MAN1A2: variants seen among roughly 807,000 people sequenced by gnomAD.
MAN1A2 encodes the protein mannosyl-oligosaccharide 1,2-alpha-mannosidase IB.
Under a neutral mutation model 75.7 loss-of-function variants are expected in MAN1A2, and 26 were observed. The observed-to-expected ratio is 0.34, with a 90% confidence interval of 0.25 to 0.48. The LOEUF (loss-of-function observed/expected upper bound fraction) is 0.48, where lower values mean the gene tolerates loss of function less well. Among genes scored for constraint, MAN1A2 ranks in the 20% least tolerant of loss-of-function variants. The probability of loss-of-function intolerance (pLI) is 0.99; values close to 1 mark genes in which losing one functional copy is unlikely to be tolerated. For synonymous variants in MAN1A2, 247 were observed against 264.6 expected (o/e 0.93, Z 0.65); for missense variants, 562 against 775.5 (o/e 0.72, Z 3.27).
chr1:117,384,064 T>A (rs1653441616), intron 1 of MAN1A2, among the ~76,000 whole-genome samples: 1 of 152,238 alleles, frequency 6.6e-6, no homozygotes, highest in Admixed American at 6.5e-5. Context: ...TTGTTGATCT[T>A]GTCAAAGAAC....
At chr1:117,422,497 G>T (rs1280015016) in intron 5 of MAN1A2, among the ~76,000 whole-genome samples, 1 of 152,044 alleles carries the variant, frequency 6.6e-6, no homozygotes, top group Non-Finnish European at 1.5e-5. Context: ...GATTTACTGA[G>T]TCAAAGGTTA....
intron 12 of MAN1A2, among the ~76,000 whole-genome samples, chr1:117,520,740 C>T (rs6697740): frequency 8.9e-4 from 135 of 152,120 alleles, no homozygotes; most frequent in African/African-American, 3.2e-3. Context: ...AATGACCATA[C>T]TGCCAAAAGC....
intron 12 of MAN1A2, among the ~76,000 whole-genome samples, chr1:117,509,213 A>G (rs909908197): frequency 6.6e-6 from 1 of 151,912 alleles, no homozygotes; most frequent in African/African-American, 2.4e-5. Context: ...ATTAAGAAAA[A>G]ATACTAAGCC....
chr1:117,382,726 T>C (rs1325136492), intron 1 of MAN1A2, among the ~76,000 whole-genome samples: 4 of 152,128 alleles, frequency 2.6e-5, no homozygotes, highest in African/African-American at 4.8e-5. Flanking sequence ...AAGAAAGTCA[T>C]TGGTAGCTTG....
intron 6 of MAN1A2, among the ~76,000 whole-genome samples, chr1:117,451,518 C>T (rs976234660): frequency 6.6e-6 from 1 of 152,046 alleles, no homozygotes; most frequent in Admixed American, 6.6e-5. Flanking sequence ...GGCCAGGGGC[C>T]GAATGATGTG....
intron 1 of MAN1A2, among the ~76,000 whole-genome samples, chr1:117,379,531 T>G (rs1356908455): frequency 1.3e-5 from 2 of 152,130 alleles, no homozygotes; most frequent in Non-Finnish European, 2.9e-5. Context: ...CTTAGTAGTA[T>G]TTACAACATT....
At chr1:117,457,757 A>G (rs551009865) in intron 6 of MAN1A2, among the ~76,000 whole-genome samples, 1 of 152,270 alleles carries the variant, frequency 6.6e-6, no homozygotes, top group African/African-American at 2.4e-5. Flanking sequence ...GTATTATGTT[A>G]TAATCCTTAA....
intron 11 of MAN1A2, among the ~76,000 whole-genome samples, chr1:117,502,452 GTTA>G (rs1383071989): frequency 2.6e-5 from 4 of 151,654 alleles, no homozygotes; most frequent in Admixed American, 6.6e-5. Context: ...CATGTTGTGG[GTTA>G]TTGTTTGTCC....
chr1:117,406,058 A>G (rs1647605436), intron 3 of MAN1A2, among the ~76,000 whole-genome samples: 1 of 152,092 alleles, frequency 6.6e-6, no homozygotes, highest in African/African-American at 2.4e-5. Flanking sequence ...CATACCTGGG[A>G]TGATTGGGTT....
At chr1:117,380,257 T>G (rs1235996377) in intron 1 of MAN1A2, among the ~76,000 whole-genome samples, 1 of 152,204 alleles carries the variant, frequency 6.6e-6, no homozygotes, top group Non-Finnish European at 1.5e-5. Flanking sequence ...TGAACACATT[T>G]TCAGGTGCTT....
chr1:117,520,392 A>G (rs979622182), intron 12 of MAN1A2, among the ~76,000 whole-genome samples: 4 of 152,064 alleles, frequency 2.6e-5, no homozygotes, highest in African/African-American at 9.7e-5. Flanking sequence ...GTGTTTGCTG[A>G]TGATATGATC....
intron 8 of MAN1A2, among the ~76,000 whole-genome samples, chr1:117,479,772 G>T (rs1557967976): frequency 6.6e-6 from 1 of 151,292 alleles, no homozygotes; most frequent in Non-Finnish European, 1.5e-5. Context: ...TTCTTATTGT[G>T]CATTATTTTT....
At chr1:117,518,875 A>AG in intron 12 of MAN1A2, among the ~76,000 whole-genome samples, 1 of 152,262 alleles carries the variant, frequency 6.6e-6, no homozygotes, top group South Asian at 2.1e-4. Context: ...CAATAACCGC[A>AG]GAATACACAT....
intron 5 of MAN1A2, among the ~76,000 whole-genome samples, chr1:117,436,015 G>T (rs1005463929): frequency 6.6e-6 from 1 of 152,056 alleles, no homozygotes; most frequent in East Asian, 1.9e-4. Context: ...CCTAGATCAC[G>T]CTGTTGCACT....
At chr1:117,447,410 A>G (rs1649270911) in intron 6 of MAN1A2, among the ~76,000 whole-genome samples, 1 of 152,088 alleles carries the variant, frequency 6.6e-6, no homozygotes, top group Non-Finnish European at 1.5e-5. Flanking sequence ...ATATTGGAAG[A>G]AGTATCCTGC....
intron 1 of MAN1A2, among the ~76,000 whole-genome samples, chr1:117,373,196 A>C (rs1468299598): frequency 6.6e-6 from 1 of 151,944 alleles, no homozygotes; most frequent in East Asian, 1.9e-4. Context: ...AGAGATTTCA[A>C]ATCTCACTAT....
chr1:117,378,494 C>A (rs776667432), intron 1 of MAN1A2, among the ~76,000 whole-genome samples: 9 of 151,962 alleles, frequency 5.9e-5, no homozygotes, highest in Non-Finnish European at 1.0e-4. Flanking sequence ...TGTGTATTTC[C>A]CTGTTGATAG....
intron 12 of MAN1A2, among the ~76,000 whole-genome samples, chr1:117,506,549 G>T (rs1050315858): frequency 6.6e-6 from 1 of 151,594 alleles, no homozygotes; most frequent in East Asian, 1.9e-4. Context: ...GTCAGAGATA[G>T]ATTCCTTCAA....
intron 1 of MAN1A2, among the ~76,000 whole-genome samples, chr1:117,375,364 A>G (rs903630684): frequency 2.6e-5 from 4 of 152,190 alleles, no homozygotes; most frequent in Admixed American, 6.5e-5. Flanking sequence ...TTCCACTGAA[A>G]GTGTTCTCTC....
Sources: allele counts gnomAD v4.1 joint callset (sites outside exome capture counted in the v4.1 genomes callset), GRCh38; gene constraint gnomAD v4.1.1; transcripts MANE v1.5; gene names NCBI Gene and HGNC (gene_info 2026-07-23, HGNC 2026-07-21).